DHX38: variants seen among roughly 807,000 people sequenced by gnomAD.
The protein encoded by DHX38 is pre-mRNA-splicing factor ATP-dependent RNA helicase PRP16.
DHX38 carries 100 observed loss-of-function variants against 153.1 expected under a neutral mutation model. That is an observed-to-expected ratio of 0.65 (90% CI 0.56 to 0.77). The LOEUF (loss-of-function observed/expected upper bound fraction) is 0.77, where lower values mean the gene tolerates loss of function less well. DHX38 is among the 30% of genes least tolerant of loss of function. The pLI is 0.00. For synonymous variants in DHX38, 650 were observed against 631.7 expected (o/e 1.03, Z -0.43); for missense variants, 1,440 against 1,654.0 (o/e 0.87, Z 2.24).
In DHX38 at chr16:72,101,483, AC is replaced by A; in HGVS notation, c.1387-15del. 6.5e-7 allele frequency: 1 copy of A among 1,549,886 alleles called. No individual in the cohort carries two copies. The highest frequency in any genetic ancestry group is 8.7e-7 in the Non-Finnish European group (1 of 1,145,488). On this transcript the variant is annotated splice_polypyrimidine_tract_variant and intron_variant, in intron 10 of 26. Transcript: ENST00000268482. ...TCATGTGGCAGGATGGAGCAGACTG[AC>A]CTTTTTCCTTTTCAGGCTCAGCACA...
intron 19 of DHX38, among the ~76,000 whole-genome samples, chr16:72,106,487 AC>A (rs1199992280): frequency 2.2e-4 from 32 of 146,218 alleles, no homozygotes; most frequent in Non-Finnish European, 1.2e-4. Flanking sequence ...TTGCTCTGTC[AC>A]CCCAGGCTGG....
Position 72,103,134 on chromosome 16 carries a change from A to T in DHX38, c.1560A>T (p.Ala520=). 1 of 1,614,250 alleles carries T rather than the reference A, an allele frequency of 6.2e-7. No homozygotes were observed. The highest frequency in any genetic ancestry group is 8.5e-7 in the Non-Finnish European group (1 of 1,180,042). Residue 520 remains alanine, a synonymous_variant, in exon 12 of 27, where the codon GCA becomes GCT. Transcript: ENST00000268482. Reference sequence around the variant, plus strand: ...AGAGCGAAGCCAGCAGTGAATTTGCAAAGAAGAAGTCCATCCTGGAGCAGA... The same window carrying T: ...AGAGCGAAGCCAGCAGTGAATTTGCTAAGAAGAAGTCCATCCTGGAGCAGA... ...KRKSEASSEF[A]KKKSILEQRQ...
At chr16:72,103,888 G>A (rs2042135241) in intron 13 of DHX38, 58 bp from the exon 14 acceptor site, 1 of 1,606,102 alleles carries the variant, frequency 6.2e-7, no homozygotes, top group African/African-American at 1.3e-5. Context: ...CCCCAGTACG[G>A]GGTGTGCTGG....
intron 25 of DHX38, among the ~76,000 whole-genome samples, chr16:72,110,200 T>C (rs1251107648): frequency 6.6e-6 from 1 of 152,240 alleles, no homozygotes; most frequent in East Asian, 1.9e-4. Context: ...TCCTGTCGAA[T>C]AGTCCATATG....
In DHX38 at chr16:72,107,789, A is replaced by G. The variant is rs1224754230; in HGVS notation, c.2954A>G (p.Tyr985Cys). ...VSMLSVPAIF[Y>C]RPKGREEESD... ...ATGCTCTCGGTCCCAGCCATCTTCT[A>G]CAGGCCCAAGGTGGGGCAGCGGCTG... is the stretch of plus-strand genomic sequence containing the variant. The change falls in exon 21 of 27, where the codon TAC becomes TGC. Residue 985 changes from tyrosine to cysteine, a missense_variant. Physicochemically the swap from Tyr to Cys is radical, Grantham distance 194 (BLOSUM62 -2). Coordinates refer to ENST00000268482, the MANE Select transcript of DHX38 (RefSeq NM_014003.4). This position sits in a 1 kb window ranked among gnomAD's most constrained non-coding sequence, Gnocchi z 5.3. 5 of 1,613,632 alleles carry G rather than the reference A, an allele frequency of 3.1e-6. No individual in the cohort carries two copies. The highest frequency in any genetic ancestry group is 3.4e-6 in the Non-Finnish European group (4 of 1,179,998).
Position 72,099,881 on chromosome 16 carries a change from C to G in DHX38, c.1110C>G (p.Ile370Met). 1 of 1,604,386 alleles carries G rather than the reference C, an allele frequency of 6.2e-7. No individual in the cohort carries two copies. The highest frequency in any genetic ancestry group is 1.1e-5 in the South Asian group (1 of 89,558). ...QKRISAQRRQ[I>M]NEDNERWETN... ...GCATTTCAGCTCAGCGGAGACAGATCAATGAGGTGAGGCTGCCTGCAGAAG... is the reference window on the plus strand; with the variant it reads ...GCATTTCAGCTCAGCGGAGACAGATGAATGAGGTGAGGCTGCCTGCAGAAG... Residue 370 changes from isoleucine (I) to methionine (M), a missense_variant, in exon 8 of 27, where the codon ATC (isoleucine) becomes ATG (methionine). Ile to Met is a conservative substitution (Grantham distance 10, BLOSUM62 1). Around this residue, in one of 6 missense-constraint regions of DHX38, gnomAD observed 77 missense variants for 125.4 expected, o/e 0.61. Coordinates refer to ENST00000268482, the MANE Select transcript of DHX38 (RefSeq NM_014003.4).
intron 26 of DHX38, among the ~76,000 whole-genome samples, chr16:72,111,402 G>T (rs928652259): frequency 2.0e-5 from 3 of 152,200 alleles, no homozygotes; most frequent in African/African-American, 7.2e-5. Flanking sequence ...TTCTGCGTCT[G>T]TGCTGGTCCC....
intron 11 of DHX38, 89 bp downstream of exon 11, chr16:72,101,701 G>C: frequency 9.8e-7 from 1 of 1,025,096 alleles, no homozygotes; most frequent in Non-Finnish European, 1.5e-6. Context: ...CGACTTTGTG[G>C]CTCCTGAGTG....
intron 26 of DHX38, among the ~76,000 whole-genome samples, chr16:72,111,731 A>G (rs2042259458): frequency 6.6e-6 from 1 of 152,190 alleles, no homozygotes; most frequent in African/African-American, 2.4e-5. Flanking sequence ...GCATGACAGT[A>G]TGACAGGTTA....
chr16:72,100,296 A>G, intron 8 of DHX38, 140 bp from the exon 9 acceptor site: 1 of 1,147,772 alleles, frequency 8.7e-7, no homozygotes, highest in East Asian at 2.6e-5. Context: ...CTGTCTTTGG[A>G]GCTGTGGGTA....
chr16:72,111,884 A>C (rs1409431134), intron 26 of DHX38, among the ~76,000 whole-genome samples: 1 of 152,212 alleles, frequency 6.6e-6, no homozygotes, highest in Non-Finnish European at 1.5e-5. Context: ...GGTGAGGCTG[A>C]TAGCACGTGG....
chr16:72,100,389 A>G (rs771604389), intron 8 of DHX38, 47 bp from the exon 9 acceptor site: 26 of 1,596,374 alleles, frequency 1.6e-5, no homozygotes, highest in Non-Finnish European at 2.2e-5. Flanking sequence ...TTTCAGGACG[A>G]CCTTTGGGGT....
intron 21 of DHX38, 26 bp from the exon 22 acceptor site, chr16:72,108,201 A>C (rs759346143): frequency 1.9e-6 from 3 of 1,612,278 alleles, no homozygotes; most frequent in Non-Finnish European, 2.5e-6. Flanking sequence ...CTGTACTTAG[A>C]GTGAAGGTTC....
Position 72,104,654 on chromosome 16 carries a change from A to T in DHX38, c.2151+28A>T. The T allele has an allele frequency of 6.2e-7, 1 of 1,613,408 alleles. No homozygotes were observed. Among genetic ancestry groups the T allele is most frequent in the Non-Finnish European group, 8.5e-7 (1 of 1,179,760 alleles). ...ATTGAGGCCACCATGTTACGAACTG[A>T]CCCTTCCATGCCACGCACTTCTCTG... On this transcript the variant is annotated intron_variant, in intron 15 of 26. Transcript: ENST00000268482. This position sits in a 1 kb window ranked among gnomAD's most constrained non-coding sequence, Gnocchi z 4.5.
At chr16:72,108,435 G>C in intron 22 of DHX38, 38 bp from the exon 23 acceptor site, 3 of 1,613,734 alleles carry the variant, frequency 1.9e-6, no homozygotes, top group Non-Finnish European at 2.5e-6. Flanking sequence ...CGAGAGGAAA[G>C]GAGGGCTCCC....
Position 72,107,223 on chromosome 16 carries a change from C to G in DHX38, c.2601-117C>G. On this transcript the variant is annotated intron_variant, in intron 19 of 26. Coordinates refer to ENST00000268482, the MANE Select transcript of DHX38 (RefSeq NM_014003.4). The surrounding 1 kb of genome is among the most constrained non-coding windows in gnomAD (Gnocchi z 5.3). ...TGAATAGGTGGAAGTCAGTGATTCA[C>G]TGAAGTAGTGGGTGGGGAGAAGAAA... The G allele has an allele frequency of 2.7e-6, 3 of 1,093,250 alleles. No individual in the cohort carries two copies. In the African/African-American group the frequency reaches 4.7e-5, roughly 17 times the overall value. 67.7% of individuals were successfully genotyped at this position (1,093,250 alleles called of 1,614,324 possible). A position where few individuals can be genotyped will look rare whatever the true frequency, so the allele number is the denominator to read the frequency against.
At chr16:72,112,335 TGGGGCTCTGCATCCTCC>T in intron 26 of DHX38, 61 bp from the exon 27 acceptor site, 1 of 1,433,596 alleles carries the variant, frequency 7.0e-7, no homozygotes, top group Non-Finnish European at 9.7e-7. Context: ...CAGTAAGTCC[TGGGGCTCTGCATCCTCC>T]TGCCCTCCTG....
chr16:72,098,831 G>C, intron 5 of DHX38, 39 bp downstream of exon 5: 1 of 1,613,264 alleles, frequency 6.2e-7, no homozygotes, highest in Non-Finnish European at 8.5e-7. Context: ...TCGCTGGGTG[G>C]GCGGTAAGGA....
At chr16:72,105,803 C>T (rs946483702) in intron 18 of DHX38, among the ~76,000 whole-genome samples, 179 bp downstream of exon 18, 4 of 152,194 alleles carry the variant, frequency 2.6e-5, no homozygotes, top group African/African-American at 9.6e-5. Flanking sequence ...TTGTAATACT[C>T]GATGAGGTAG....
Sources: allele counts gnomAD v4.1 joint callset (sites outside exome capture counted in the v4.1 genomes callset), GRCh38; gene constraint gnomAD v4.1.1; regional missense constraint gnomAD v4.1.1; non-coding constraint Gnocchi (gnomAD v3.1); transcripts MANE v1.5; gene names NCBI Gene and HGNC (gene_info 2026-07-23, HGNC 2026-07-21).